CSMD3: variants seen among roughly 807,000 people sequenced by gnomAD.
The protein encoded by CSMD3 is CUB and sushi domain-containing protein 3.
A neutral mutation model predicts 435.2 loss-of-function variants in CSMD3; 177 were observed. That is an observed-to-expected ratio of 0.41 (90% confidence interval 0.36 to 0.46). The LOEUF is 0.46. CSMD3 is among the 20% of genes least tolerant of loss of function. CSMD3 has a pLI of 0.34. For synonymous variants in CSMD3, 1,656 were observed against 1,520.5 expected (o/e 1.09, Z -2.07); for missense variants, 4,265 against 4,504.6 (o/e 0.95, Z 1.52).
chr8:113,296,751 T>G (rs1482405020), intron 2 of CSMD3, among the ~76,000 whole-genome samples: 1 of 152,160 alleles, frequency 6.6e-6, no homozygotes, highest in Non-Finnish European at 1.5e-5. Flanking sequence ...CCTCCTTCTG[T>G]TTCTTGGTTA....
At chr8:112,281,690 C>G (rs1036027710) in intron 58 of CSMD3, among the ~76,000 whole-genome samples, 1 of 152,050 alleles carries the variant, frequency 6.6e-6, no homozygotes, top group African/African-American at 2.4e-5. Flanking sequence ...GTCTAAAAAG[C>G]AACTCATGTA....
At position 113,205,886 on chromosome 8, in the gene CSMD3, T is replaced by C. The variant is rs556399581; in HGVS notation, c.515-31970A>G. Among the ~76,000 whole-genome samples the C allele has an allele frequency of 3.3e-5, 5 of 152,264 alleles. 1 individual carries two copies. The South Asian group carries it at 1.0e-3, about 32-fold the overall frequency. On this transcript the variant is annotated intron_variant, in intron 3 of 70. Transcript: ENST00000297405. ...TTTACTCTCACTTGCTTTCATCACG[T>C]TTGTTCAGGTTAGATGTGGACAGTT...
At chr8:112,239,733 T>C (rs1219585594) in intron 66 of CSMD3, among the ~76,000 whole-genome samples, 1 of 152,138 alleles carries the variant, frequency 6.6e-6, no homozygotes, top group Non-Finnish European at 1.5e-5. Context: ...TAACATATTT[T>C]GAATTTCATT....
Position 112,378,166 on chromosome 8 carries a change from C to CA in CSMD3, c.6136+2185dup, listed in dbSNP as rs76929094. ...GTTAAAGTGGATATTATCAAACACA[C>CA]AAAAAAAAATGTGGAGAAAAGGGAA... On this transcript the variant is annotated intron_variant, in intron 38 of 70. Coordinates refer to ENST00000297405, the MANE Select transcript of CSMD3 (RefSeq NM_198123.2). Among the ~76,000 whole-genome samples the CA allele has an allele frequency of 2.8e-3, 418 of 147,044 alleles. 2 individuals are homozygous for CA. Among genetic ancestry groups the CA allele is most frequent in the South Asian group, 9.4e-3 (44 of 4,674 alleles).
chr8:112,442,990 G>A (rs1430545342), intron 32 of CSMD3, among the ~76,000 whole-genome samples: 2 of 152,138 alleles, frequency 1.3e-5, no homozygotes, highest in East Asian at 1.9e-4. Flanking sequence ...GTTTTTGGGG[G>A]TCTCTAGGGT....
chr8:113,303,203 AG>A (rs2132604190), intron 2 of CSMD3, among the ~76,000 whole-genome samples: 1 of 143,066 alleles, frequency 7.0e-6, no homozygotes, highest in South Asian at 2.4e-4. Flanking sequence ...CCAACTTACA[AG>A]GGATGTGAAG....
chr8:112,804,163 A>G (rs1437585031), intron 12 of CSMD3, among the ~76,000 whole-genome samples: 2 of 152,142 alleles, frequency 1.3e-5, no homozygotes, highest in African/African-American at 4.8e-5. Context: ...CTCAGAATCT[A>G]CCGGTATGGA....
intron 12 of CSMD3, among the ~76,000 whole-genome samples, chr8:112,814,645 T>C (rs1252923480): frequency 6.6e-6 from 1 of 152,014 alleles, no homozygotes; most frequent in East Asian, 1.9e-4. Flanking sequence ...TAGTCCAGCA[T>C]GGTGGTGTGT....
intron 3 of CSMD3, among the ~76,000 whole-genome samples, chr8:113,269,253 G>A (rs946012235): frequency 6.6e-6 from 1 of 151,978 alleles, no homozygotes; most frequent in Non-Finnish European, 1.5e-5. Flanking sequence ...AACTTACAAG[G>A]GACGAGAAGG....
chr8:112,922,159 A>T lies in CSMD3; in HGVS notation c.1509-408T>A, dbSNP rs551017134. On this transcript the variant is annotated intron_variant, in intron 9 of 70. Coordinates refer to ENST00000297405, the MANE Select transcript of CSMD3 (RefSeq NM_198123.2). ...CATGCATTTGTGTCTATAAACATGC[A>T]TTTAATGTATTTAGAGATGCAAAAT... 5.3e-5 allele frequency among the ~76,000 whole-genome samples: 8 copies of T among 152,222 alleles called. No homozygotes were observed. In the East Asian group the frequency reaches 1.5e-3, roughly 29 times the overall value.
In CSMD3 at chr8:112,898,372, A is replaced by C. The variant is rs576410846; in HGVS notation, c.1633+23255T>G. ...TCATAAAATTTATCACATAATATGC[A>C]TTATGGTTTTCATTTGTATTCACGG... is the stretch of plus-strand genomic sequence containing the variant. On this transcript the variant is annotated intron_variant, in intron 10 of 70. Transcript: ENST00000297405. Among the ~76,000 whole-genome samples the C allele has an allele frequency of 1.1e-4, 16 of 151,338 alleles. No individual in the cohort carries two copies. The Middle Eastern group carries it at 0.01, about 97-fold the overall frequency.
At chr8:113,068,255 T>C (rs927770341) in intron 5 of CSMD3, among the ~76,000 whole-genome samples, 6 of 151,976 alleles carry the variant, frequency 3.9e-5, no homozygotes, top group African/African-American at 1.4e-4. Flanking sequence ...AAAAGCAAAA[T>C]ATTTGGACAA....
chr8:113,006,446 C>T (rs756635637), intron 6 of CSMD3, among the ~76,000 whole-genome samples: 1 of 151,956 alleles, frequency 6.6e-6, no homozygotes, highest in African/African-American at 2.4e-5. Context: ...AAGAGTGATA[C>T]CTTTTAGCAC....
At chr8:113,139,314 T>A (rs1161247644) in intron 4 of CSMD3, among the ~76,000 whole-genome samples, 1 of 151,040 alleles carries the variant, frequency 6.6e-6, no homozygotes, top group Non-Finnish European at 1.5e-5. Context: ...TTGAATTTTT[T>A]AAATTATGGT....
At chr8:113,324,877 C>T (rs561723823) in intron 1 of CSMD3, among the ~76,000 whole-genome samples, 1 of 152,334 alleles carries the variant, frequency 6.6e-6, no homozygotes, top group South Asian at 2.1e-4. Flanking sequence ...TGAGAACCCA[C>T]CTCTTGCATC....
chr8:113,396,300 G>C (rs2094483334), intron 1 of CSMD3, among the ~76,000 whole-genome samples: 1 of 152,144 alleles, frequency 6.6e-6, no homozygotes, highest in South Asian at 2.1e-4. Context: ...ATGTAACTGA[G>C]TGGTAAACTG....
At chr8:112,720,582 T>C (rs1203407140) in intron 13 of CSMD3, among the ~76,000 whole-genome samples, 2 of 152,170 alleles carry the variant, frequency 1.3e-5, no homozygotes. Flanking sequence ...TTCATTTGCA[T>C]GTAGATCTAG....
At chr8:112,954,195 A>G (rs964711593) in intron 8 of CSMD3, among the ~76,000 whole-genome samples, 1 of 151,566 alleles carries the variant, frequency 6.6e-6, no homozygotes, top group Non-Finnish European at 1.5e-5. Flanking sequence ...CAATCATTTT[A>G]TAAAATATTT....
chr8:112,560,925 T>C (rs1257231581), intron 24 of CSMD3, among the ~76,000 whole-genome samples: 1 of 151,716 alleles, frequency 6.6e-6, no homozygotes, highest in Admixed American at 6.6e-5. Context: ...GAAATCAAGC[T>C]CTGTTTTCAA....
Sources: allele counts gnomAD v4.1 joint callset (sites outside exome capture counted in the v4.1 genomes callset), GRCh38; gene constraint gnomAD v4.1.1; transcripts MANE v1.5; gene names NCBI Gene and HGNC (gene_info 2026-07-23, HGNC 2026-07-21).